The following MVD variants were observed in gnomAD, a reference collection of about 807,000 sequenced individuals.
MVD encodes mevalonate diphosphate decarboxylase.
A neutral mutation model predicts 42.4 loss-of-function variants in MVD; 52 were observed. The ratio of observed to expected loss-of-function variants is 1.23; its 90% confidence interval spans 0.98 to 1.55. The LOEUF is 1.55. Ranked by LOEUF, MVD falls within the 40% of genes most tolerant of loss-of-function variation. MVD has a pLI of 0.00. For synonymous variants in MVD, 287 were observed against 243.2 expected, an observed-to-expected ratio of 1.18 and a Z score of -1.68; for missense variants, 663 against 572.1, an observed-to-expected ratio of 1.16 and a Z score of -1.62.
At chr16:88,658,181 CA>C in intron 2 of MVD, 152 bp from the exon 3 acceptor site, 2 of 732,978 alleles carry the variant, frequency 2.7e-6, no homozygotes, top group Non-Finnish European at 4.5e-6. Flanking sequence ...CTCAGCTGGG[CA>C]GTGGGGAAGC....
At chr16:88,657,130 T>TTG in intron 4 of MVD, 1 of 460,342 alleles carries the variant, frequency 2.2e-6, no homozygotes, top group South Asian at 2.0e-5. Context: ...TTTGTAGAGA[T>TTG]GGGGGGGGGT....
chr16:88,655,375 C>G lies in MVD; in HGVS notation c.721G>C (p.Ala241Pro), dbSNP rs1417233558. The change falls in exon 7 of 10, where the codon GCC (alanine) becomes CCC (proline). Residue 241 changes from alanine (A) to proline (P), a missense_variant. Ala to Pro is a conservative substitution (Grantham distance 27). Transcript: ENST00000301012. ...AAGTCTCGCTCCCGGATGCAGCGGG[C>G]CATCTCCGCCATGCGCGCGGGCACC... The part of the protein sequence containing the change: ...SVVPARMAEM[A>P]RCIRERDFPS... The G allele has an allele frequency of 6.3e-7, 1 of 1,596,300 alleles. No homozygotes were observed. The highest frequency in any genetic ancestry group is 1.7e-5 in the Admixed American group (1 of 57,992).
At position 88,654,774 on chromosome 16, in the gene MVD, C is replaced by T. The variant is rs200147810; in HGVS notation, c.931G>A (p.Val311Met). 30 of 1,596,748 alleles carry T rather than the reference C, an allele frequency of 1.9e-5. No individual in the cohort carries two copies. Among genetic ancestry groups the T allele is most frequent in the East Asian group, 4.5e-5 (2 of 44,108 alleles). The change falls in exon 8 of 10, where the codon GTG becomes ATG. Residue 311 changes from valine (V) to methionine (M), a missense_variant. Transcript: ENST00000301012. ...AYTFDAGPNA[V>M]IFTLDDTVAE... ...ACAGTGTCGTCCAGGGTGAAGATCA[C>T]GGCATTGGGGCCCGCGTCAAAGGTG... is the stretch of plus-strand genomic sequence containing the variant.
At chr16:88,659,883 C>A (rs1908180784) in intron 1 of MVD, among the ~76,000 whole-genome samples, 1 of 151,636 alleles carries the variant, frequency 6.6e-6, no homozygotes, top group Non-Finnish European at 1.5e-5. Flanking sequence ...GGGAAAATCG[C>A]TTGAACCTGG....
intron 8 of MVD, among the ~76,000 whole-genome samples, chr16:88,653,949 G>A (rs546761780): frequency 1.7e-3 from 266 of 152,208 alleles, no homozygotes; most frequent in Non-Finnish European, 2.9e-3. Flanking sequence ...GCTCCCACCC[G>A]GGACAGACGC....
Position 88,652,548 on chromosome 16 carries a change from C to T in MVD, c.1180G>A (p.Gly394Ser), listed in dbSNP as rs374698190. Residue 394 changes from glycine to serine, a missense_variant, in exon 10 of 10, where the codon GGC becomes AGC. By Grantham distance (56) the Gly-to-Ser change is moderately conservative. Transcript: ENST00000301012. ...DPCAHLLGPD[G>S]LPKPAA ...AGTCAGGCAGCTGGCTTCGGCAGGCCGTCAGGACCCAGGAGGTGGGCGCAG... is the reference window on the plus strand; with the variant it reads ...AGTCAGGCAGCTGGCTTCGGCAGGCTGTCAGGACCCAGGAGGTGGGCGCAG... 28 of 1,573,088 alleles carry T rather than the reference C, an allele frequency of 1.8e-5. No individual in the cohort carries two copies. The highest frequency in any genetic ancestry group is 7.0e-5 in the East Asian group (3 of 42,690).
rs7205348 is a variant in MVD at position 88,654,191 on chromosome 16, G to C, written c.1013+501C>G. 7.8e-3 allele frequency among the ~76,000 whole-genome samples: 1,193 copies of C among 152,004 alleles called. 14 individuals carry two copies. The highest frequency in any genetic ancestry group is 0.027 in the African/African-American group (1,125 of 41,478). ...TGTGCACCGAGGAGGGCGTACATGGGGGCTCTGTGGCGCCAAGATGCAGCT... is the reference window on the plus strand; with the variant it reads ...TGTGCACCGAGGAGGGCGTACATGGCGGCTCTGTGGCGCCAAGATGCAGCT... On this transcript the variant is annotated intron_variant, in intron 8 of 9. Transcript: ENST00000301012.
At chr16:88,657,645 C>T in intron 3 of MVD, 63 bp from the exon 4 acceptor site, 1 of 1,583,456 alleles carries the variant, frequency 6.3e-7, no homozygotes, top group Non-Finnish European at 8.6e-7. Context: ...CTGCTCCTGC[C>T]CACCTGCCCG....
In MVD at chr16:88,652,484, C is replaced by G; in HGVS notation, c.*41G>C. On this transcript the variant is annotated 3_prime_UTR_variant, in exon 10 of 10. Transcript: ENST00000301012. ...CATCCGCTCCCTAGCTCCGGCGAGG[C>G]CACCCCTTCTCCAAGCGGCATGCGG... 6.5e-7 allele frequency: 1 copy of G among 1,548,654 alleles called. No homozygotes were observed. The highest frequency in any genetic ancestry group is 8.7e-7 in the Non-Finnish European group (1 of 1,145,212).
chr16:88,655,881 A>G, intron 5 of MVD, 151 bp from the exon 6 acceptor site: 1 of 1,132,358 alleles, frequency 8.8e-7, no homozygotes. Context: ...TCCCGGCCAC[A>G]GCAGGGGTGA....
Position 88,652,247 on chromosome 16 carries a change from T to C in MVD, c.*278A>G, listed in dbSNP as rs1597375562. On this transcript the variant is annotated 3_prime_UTR_variant, in exon 10 of 10. Coordinates refer to ENST00000301012, the MANE Select transcript of MVD (RefSeq NM_002461.3). ...CTGGGGTGAGAAAGCCCTTCAGCCC[T>C]GCTGCACCGAGGCTCTGCCAGTTCT... is the stretch of plus-strand genomic sequence containing the variant. The C allele has an allele frequency of 1.8e-6, 1 of 569,908 alleles. No individual in the cohort carries two copies. The highest frequency in any genetic ancestry group is 3.0e-5 in the East Asian group (1 of 33,696). 35.3% of individuals were successfully genotyped at this position (569,908 alleles called of 1,614,324 possible).
Position 88,653,290 on chromosome 16 carries a change from C to T in MVD, c.1122+10G>A, listed in dbSNP as rs1907696070. On this transcript the variant is annotated intron_variant, in intron 9 of 9. Transcript: ENST00000301012. ...AAACCCCGGGGTACTGGGTGAGCCC[C>T]AGGCCTCACCTGAGTGACAATGATG... 6.3e-7 allele frequency: 1 copy of T among 1,588,592 alleles called. No individual in the cohort carries two copies.
rs776610479 is a variant in MVD at position 88,657,588 on chromosome 16, G to A, written c.257-6C>T. 5.3e-5 allele frequency: 85 copies of A among 1,610,454 alleles called. No homozygotes were observed. The highest frequency in any genetic ancestry group is 6.7e-5 in the Non-Finnish European group (79 of 1,178,180). On this transcript the variant is annotated splice_region_variant and splice_polypyrimidine_tract_variant and intron_variant, in intron 3 of 9. Coordinates refer to ENST00000301012, the MANE Select transcript of MVD (RefSeq NM_002461.3). ...CTTCCGGGCCAGGCAGCGGACTGCAGAGACAATGAGACAGCGTGTGGCCCA... is the reference window on the plus strand; with the variant it reads ...CTTCCGGGCCAGGCAGCGGACTGCAAAGACAATGAGACAGCGTGTGGCCCA...
chr16:88,653,019 G>C (rs367799384), intron 9 of MVD, among the ~76,000 whole-genome samples: 93 of 152,222 alleles, frequency 6.1e-4, no homozygotes, highest in African/African-American at 2.1e-3. Context: ...CCCACCCCAG[G>C]CGCTCCCTAT....
Position 88,655,639 on chromosome 16 carries a change from C to G in MVD, c.678+17G>C. On this transcript the variant is annotated intron_variant, in intron 6 of 9. Transcript: ENST00000301012. ...CGTGACTCCCAGGGCCCCGGGACCA[C>G]CCGCTCCTGGCCTTACCCGAAGCAG... 6.5e-7 allele frequency: 1 copy of G among 1,549,072 alleles called. No individual in the cohort carries two copies. Among genetic ancestry groups the G allele is most frequent in the Non-Finnish European group, 8.7e-7 (1 of 1,147,066 alleles).
At chr16:88,657,412 C>T in intron 4 of MVD, 24 bp downstream of exon 4, 1 of 1,576,484 alleles carries the variant, frequency 6.3e-7, no homozygotes, top group Non-Finnish European at 8.6e-7. Flanking sequence ...CCCAGAACCC[C>T]TGCGGGTCTC....
intron 1 of MVD, chr16:88,658,986 T>C: frequency 2.2e-6 from 1 of 461,010 alleles, no homozygotes; most frequent in South Asian, 2.1e-5. Flanking sequence ...TACTCCAGCA[T>C]CCGTGAGTGC....
intron 3 of MVD, 101 bp downstream of exon 3, chr16:88,657,814 C>A: frequency 1.5e-6 from 2 of 1,357,470 alleles, no homozygotes; most frequent in Non-Finnish European, 1.0e-6. Flanking sequence ...CCAGCCACCC[C>A]GCCTGCTGCC....
chr16:88,652,886 C>T (rs1045959759), intron 9 of MVD, among the ~76,000 whole-genome samples: 6 of 152,132 alleles, frequency 3.9e-5, no homozygotes, highest in African/African-American at 7.2e-5. Flanking sequence ...AGGAAGGTGG[C>T]GGCAATGGCT....
Sources: gnomAD v4.1 joint callset for allele counts (sites outside exome capture counted in the v4.1 genomes callset) on GRCh38, gnomAD v4.1.1 for gene constraint, MANE v1.5 for transcripts, NCBI Gene and HGNC (gene_info 2026-07-23, HGNC 2026-07-21) for gene names.